Variants in PLCE1 observed in about 807,000 individuals in gnomAD.
The protein encoded by PLCE1 is phospholipase C epsilon 1, also known as 1-phosphatidylinositol 4,5-bisphosphate phosphodiesterase epsilon-1.
In PLCE1, 119 loss-of-function variants were observed where a neutral mutation model predicts 242.8. The ratio of observed to expected loss-of-function variants is 0.49; its 90% CI spans 0.42 to 0.57. The LOEUF (loss-of-function observed/expected upper bound fraction) is 0.57, where lower values mean the gene tolerates loss of function less well. PLCE1 is among the 20% of genes least tolerant of loss of function. The pLI, the probability that PLCE1 is intolerant of heterozygous loss-of-function variation, is 0.00. For synonymous variants in PLCE1, 945 were observed against 1,017.4 expected (o/e 0.93, Z 1.35); for missense variants, 2,441 against 2,788.8 (o/e 0.88, Z 2.81).
chr10:94,110,661 C>T (rs2045927546), intron 2 of PLCE1, among the ~76,000 whole-genome samples: 1 of 152,184 alleles, frequency 6.6e-6, no homozygotes, highest in Non-Finnish European at 1.5e-5. Flanking sequence ...GAAAACTACA[C>T]AGTGGTAGTG....
intron 4 of PLCE1, among the ~76,000 whole-genome samples, chr10:94,187,030 C>T (rs576683613): frequency 6.6e-6 from 1 of 152,098 alleles, no homozygotes; most frequent in South Asian, 2.1e-4. Flanking sequence ...AGAGAGGCTA[C>T]AGATAAATTA....
At chr10:94,045,724 C>A (rs1055576875) in intron 2 of PLCE1, among the ~76,000 whole-genome samples, 1 of 152,164 alleles carries the variant, frequency 6.6e-6, no homozygotes, top group African/African-American at 2.4e-5. Flanking sequence ...AACAGAGCAC[C>A]AGCCCTGGAA....
intron 19 of PLCE1, among the ~76,000 whole-genome samples, chr10:94,274,545 G>A (rs2051874528): frequency 6.8e-6 from 1 of 146,040 alleles, no homozygotes; most frequent in Admixed American, 6.8e-5. Flanking sequence ...GCCAAAAGTT[G>A]CAAAATCAGC....
At chr10:94,027,011 C>A (rs2061462684) in intron 1 of PLCE1, among the ~76,000 whole-genome samples, 1 of 152,150 alleles carries the variant, frequency 6.6e-6, no homozygotes, top group Admixed American at 6.5e-5. Flanking sequence ...AAGAAGAAAT[C>A]AAACCCCAAA....
intron 4 of PLCE1, among the ~76,000 whole-genome samples, chr10:94,210,461 C>A (rs1293190246): frequency 2.6e-5 from 4 of 152,144 alleles, no homozygotes; most frequent in African/African-American, 9.7e-5. Flanking sequence ...TTTTAACTGA[C>A]CACCCTGAAG....
At chr10:94,255,344 G>A (rs970802704) in intron 11 of PLCE1, among the ~76,000 whole-genome samples, 4 of 152,098 alleles carry the variant, frequency 2.6e-5, no homozygotes, top group Admixed American at 2.0e-4. Context: ...AAATTCAAAT[G>A]TAAATTAATT....
intron 10 of PLCE1, 111 bp from the exon 11 acceptor site, chr10:94,254,782 G>A: frequency 8.3e-7 from 1 of 1,198,998 alleles, no homozygotes; most frequent in Non-Finnish European, 1.2e-6. Context: ...ATAGAAACCA[G>A]CTGCATAGGT....
At chr10:94,050,446 C>T (rs934962745) in intron 2 of PLCE1, among the ~76,000 whole-genome samples, 5 of 152,134 alleles carry the variant, frequency 3.3e-5, no homozygotes, top group African/African-American at 1.2e-4. Context: ...AGGACACTCC[C>T]TCAACACGTG....
chr10:94,093,518 C>T (rs2045159776), intron 2 of PLCE1, among the ~76,000 whole-genome samples: 1 of 152,232 alleles, frequency 6.6e-6, no homozygotes, highest in South Asian at 2.1e-4. Context: ...AAGAATCCTG[C>T]AGCCTCAGAA....
rs531179968 is a variant in PLCE1, at chr10:94,132,186, G to A, written c.1219G>A (p.Val407Met). ...EAQWYPIYNA[V>M]RREETENTVG... The stretch of plus-strand genomic sequence containing the variant: ...GTGCTATTCACAGATCTACAATGCA[G>A]TGAGAAGAGAAGAAACAGAAAATAC... The change falls in exon 3 of 33, where the codon GTG becomes ATG. Residue 407 changes from valine (V) to methionine (M), a missense_variant. Coordinates refer to ENST00000371380, the MANE Select transcript of PLCE1 (RefSeq NM_016341.4). 7 of 1,614,054 alleles carry A rather than the reference G, an allele frequency of 4.3e-6. No homozygotes were observed. The South Asian group carries it at 6.6e-5, about 15-fold the overall frequency.
At chr10:94,138,369 A>G (rs1334390312) in intron 3 of PLCE1, 2 of 395,498 alleles carry the variant, frequency 5.1e-6, no homozygotes, top group Non-Finnish European at 1.0e-5. Context: ...TGAGGAGAGT[A>G]CTTCCCAGGA....
At position 94,246,345 on chromosome 10, in the gene PLCE1, A is replaced by G. The variant is rs376225462; in HGVS notation, c.2820A>G (p.Ala940=). 10 of 1,614,052 alleles carry G rather than the reference A, an allele frequency of 6.2e-6. No individual in the cohort carries two copies. Among genetic ancestry groups the G allele is most frequent in the African/African-American group, 1.3e-5 (1 of 74,910 alleles). ...SLTEGVLDLF[A]VKAVYMGHPG... is the part of the protein sequence containing the mutation. ...CGGAAGGGGTCTTGGATCTTTTTGC[A>G]GTGAAGGCTGTATACATGGGCCACC... Residue 940 remains alanine (A), a synonymous_variant, in exon 8 of 33, where the codon GCA becomes GCG. Coordinates refer to ENST00000371380, the MANE Select transcript of PLCE1 (RefSeq NM_016341.4).
intron 4 of PLCE1, among the ~76,000 whole-genome samples, chr10:94,221,781 A>T (rs895942674): frequency 2.0e-5 from 3 of 152,226 alleles, no homozygotes; most frequent in Admixed American, 6.5e-5. Flanking sequence ...AGCTCTGTCT[A>T]GACTTTCATT....
In PLCE1 at chr10:94,332,694, A is replaced by C. The variant is rs2054174392; in HGVS notation, c.*4751A>C. On this transcript the variant is annotated 3_prime_UTR_variant, in exon 33 of 33. Coordinates refer to ENST00000371380, the MANE Select transcript of PLCE1 (RefSeq NM_016341.4). The stretch of plus-strand genomic sequence containing the variant: ...GTATAACAAGAAAATTAAAGGCATA[A>C]TACAGCTGTGAAATAGCTGATGAGT... 1 of 152,238 alleles carries C rather than the reference A, an allele frequency of 6.6e-6. No homozygotes were observed. Among genetic ancestry groups the C allele is most frequent in the South Asian group, 2.1e-4 (1 of 4,834 alleles). 9.4% of individuals were successfully genotyped at this position (152,238 alleles called of 1,614,324 possible).
rs369699653 is a variant in PLCE1, at chr10:94,246,460, C to G, written c.2935C>G (p.Gln979Glu). ...TGGTGTGACATTGCTCTATGGGCTTCAGACCACAGACAACAGATTATTGCA... is the reference window on the plus strand; with the variant it reads ...TGGTGTGACATTGCTCTATGGGCTTGAGACCACAGACAACAGATTATTGCA... The part of the protein sequence containing the change: ...ETGVTLLYGL[Q>E]TTDNRLLHFV... Residue 979 changes from glutamine (Q) to glutamate (E), a missense_variant, in exon 8 of 33, where the codon CAG becomes GAG. Physicochemically the swap from Gln to Glu is conservative, Grantham distance 29. This residue lies in a region of PLCE1 where 1,004 missense variants were observed against 1,322.7 expected (regional missense o/e 0.76). Transcript: ENST00000371380. The G allele has an allele frequency of 4.3e-6, 7 of 1,614,090 alleles. No homozygotes were observed. In the African/African-American group the frequency reaches 8.0e-5, roughly 18 times the overall value.
At chr10:94,166,592 G>A (rs887726331) in intron 3 of PLCE1, among the ~76,000 whole-genome samples, 4 of 148,432 alleles carry the variant, frequency 2.7e-5, no homozygotes, top group Non-Finnish European at 4.4e-5. Flanking sequence ...GTGTGTGTGT[G>A]TGTGTGTGTG....
intron 5 of PLCE1, among the ~76,000 whole-genome samples, chr10:94,231,999 C>T (rs915387381): frequency 2.6e-5 from 4 of 152,158 alleles, no homozygotes; most frequent in Non-Finnish European, 5.9e-5. Flanking sequence ...ATACTATTTA[C>T]ATAAAGTTTA....
In PLCE1 at chr10:94,330,998, AAAG is replaced by A. The variant is rs1267943675; in HGVS notation, c.*3056_*3058del. 11 of 152,224 alleles carry A rather than the reference AAAG, an allele frequency of 7.2e-5. No individual in the cohort carries two copies. Among genetic ancestry groups the A allele is most frequent in the Non-Finnish European group, 1.3e-4 (9 of 68,046 alleles). 9.4% of individuals were successfully genotyped at this position (152,224 alleles called of 1,614,324 possible). A position where few individuals can be genotyped will look rare whatever the true frequency, so the allele number is the denominator to read the frequency against. ...AAGAAGCATCACTGAAAGTGAAGAG[AAAG>A]GAGCATGAATTCTGTCACTCTATTC... is the stretch of plus-strand genomic sequence containing the variant. On this transcript the variant is annotated 3_prime_UTR_variant, in exon 33 of 33. Coordinates refer to ENST00000371380, the MANE Select transcript of PLCE1 (RefSeq NM_016341.4).
intron 8 of PLCE1, among the ~76,000 whole-genome samples, chr10:94,248,295 C>T (rs1224637718): frequency 6.6e-6 from 1 of 152,108 alleles, no homozygotes; most frequent in South Asian, 2.1e-4. Flanking sequence ...TTAGTTAACT[C>T]GTCTAAAATG....
Sources: gnomAD v4.1 joint callset for allele counts (sites outside exome capture counted in the v4.1 genomes callset) on GRCh38, gnomAD v4.1.1 for gene constraint, gnomAD v4.1.1 regional missense constraint, MANE v1.5 for transcripts, NCBI Gene and HGNC (gene_info 2026-07-23, HGNC 2026-07-21) for gene names.